The following WWOX variants were observed in gnomAD, a reference collection of about 807,000 sequenced individuals.
WWOX encodes the protein WW domain-containing oxidoreductase.
In WWOX, 69 loss-of-function variants were observed where a neutral mutation model predicts 46.2. That is an observed-to-expected ratio of 1.49 (90% confidence interval 1.23 to 1.82). The LOEUF (loss-of-function observed/expected upper bound fraction) is 1.82. Ranked by LOEUF, WWOX falls within the 40% of genes most tolerant of loss-of-function variation. WWOX has a pLI of 0.00. For missense variants in WWOX, 919 were observed against 542.6 expected, an observed-to-expected ratio of 1.69 and a Z score of -6.89; for synonymous variants, 359 against 202.6, an observed-to-expected ratio of 1.77 and a Z score of -6.56.
At chr16:79,177,740 T>C (rs1195906423) in intron 8 of WWOX, among the ~76,000 whole-genome samples, 1 of 152,198 alleles carries the variant, frequency 6.6e-6, no homozygotes. Context: ...ACAAAAAGGG[T>C]CAGCAGACTT....
At chr16:78,331,653 G>C (rs555550095) in intron 5 of WWOX, among the ~76,000 whole-genome samples, 1 of 152,258 alleles carries the variant, frequency 6.6e-6, no homozygotes, top group East Asian at 1.9e-4. Flanking sequence ...CTGGGTTCAT[G>C]GGTGATGACT....
At chr16:78,911,704 A>G (rs11866178) in intron 8 of WWOX, among the ~76,000 whole-genome samples, 8,266 of 152,002 alleles carry the variant, frequency 0.054, 476 homozygotes, top group African/African-American at 0.14. Context: ...CATCTCTACT[A>G]AAAGTACAAA....
intron 5 of WWOX, among the ~76,000 whole-genome samples, chr16:78,336,533 G>A (rs1397278391): frequency 2.8e-5 from 4 of 141,784 alleles, no homozygotes; most frequent in Non-Finnish European, 6.1e-5. Context: ...AAAGCCTACA[G>A]TTGACAGGCA....
chr16:78,894,419 G>A (rs562881081), intron 8 of WWOX, among the ~76,000 whole-genome samples: 1 of 152,168 alleles, frequency 6.6e-6, no homozygotes, highest in Non-Finnish European at 1.5e-5. Flanking sequence ...GCTTAAGCAT[G>A]TAGATCATAA....
chr16:78,808,600 C>T (rs2051104071), intron 8 of WWOX, among the ~76,000 whole-genome samples: 1 of 152,168 alleles, frequency 6.6e-6, no homozygotes, highest in Non-Finnish European at 1.5e-5. Flanking sequence ...GAGGCCTCTT[C>T]CTCACTGCTT....
intron 5 of WWOX, among the ~76,000 whole-genome samples, chr16:78,334,076 G>T (rs140637490): frequency 9.1e-4 from 139 of 152,188 alleles, no homozygotes; most frequent in African/African-American, 3.2e-3. Flanking sequence ...ATGTTACATC[G>T]CATAAAGATG....
chr16:78,795,082 C>A (rs2050702300), intron 8 of WWOX, among the ~76,000 whole-genome samples: 1 of 152,074 alleles, frequency 6.6e-6, no homozygotes, highest in Admixed American at 6.5e-5. Flanking sequence ...TAAGCATATC[C>A]TGTTTTCGAG....
At chr16:78,612,180 G>A (rs533723523) in intron 8 of WWOX, among the ~76,000 whole-genome samples, 4 of 152,344 alleles carry the variant, frequency 2.6e-5, no homozygotes, top group African/African-American at 9.6e-5. Flanking sequence ...TCTTTGGAGA[G>A]CACTGTTTCC....
intron 5 of WWOX, among the ~76,000 whole-genome samples, chr16:78,241,729 C>A (rs906908313): frequency 6.6e-6 from 1 of 152,104 alleles, no homozygotes; most frequent in Non-Finnish European, 1.5e-5. Flanking sequence ...CGTGAACCAC[C>A]ACGCCCCTCA....
chr16:78,525,932 G>C (rs981868348), intron 8 of WWOX: 4 of 151,914 alleles, frequency 2.6e-5, no homozygotes, highest in East Asian at 1.9e-4. Context: ...AATCATATAA[G>C]CATGATTTAT....
At chr16:78,246,358 C>G (rs1862275047) in intron 5 of WWOX, among the ~76,000 whole-genome samples, 1 of 152,014 alleles carries the variant, frequency 6.6e-6, no homozygotes, top group Non-Finnish European at 1.5e-5. Flanking sequence ...GACCTCCTAC[C>G]TTTTTTTTCC....
chr16:78,463,276 T>C (rs772702789), intron 8 of WWOX, among the ~76,000 whole-genome samples: 1 of 152,198 alleles, frequency 6.6e-6, no homozygotes, highest in Non-Finnish European at 1.5e-5. Context: ...CTTGCAGGTA[T>C]AGGTAGGCAT....
In WWOX at chr16:78,562,786, A is replaced by C. The variant is rs1209840896; in HGVS notation, c.1056+130034A>C. ...ACTCAGGGAAGACCCTGTCTATGGA[A>C]GTGCTGAGCTCTTCAGTGTCATCAC... On this transcript the variant is annotated intron_variant, in intron 8 of 8. Transcript: ENST00000566780. Among the ~76,000 whole-genome samples, 5 of 152,332 alleles carry C rather than the reference A, an allele frequency of 3.3e-5. No homozygotes were observed. In the East Asian group the frequency reaches 9.7e-4, roughly 29 times the overall value.
At chr16:78,191,422 T>G (rs567132438) in intron 5 of WWOX, among the ~76,000 whole-genome samples, 1 of 152,334 alleles carries the variant, frequency 6.6e-6, no homozygotes, top group South Asian at 2.1e-4. Flanking sequence ...AGCATCGTAA[T>G]GAGTTTCTAC....
intron 6 of WWOX, among the ~76,000 whole-genome samples, chr16:78,396,710 A>T (rs1217114134): frequency 6.6e-6 from 1 of 152,240 alleles, no homozygotes; most frequent in African/African-American, 2.4e-5. Flanking sequence ...TTCTGCAAAG[A>T]ATCAGATAGT....
intron 1 of WWOX, among the ~76,000 whole-genome samples, chr16:78,102,152 T>C (rs2151656021): frequency 6.6e-6 from 1 of 152,194 alleles, no homozygotes. Context: ...ACTCCTGAAC[T>C]CAAGCCAGCC....
At chr16:78,561,578 C>G (rs1016510007) in intron 8 of WWOX, among the ~76,000 whole-genome samples, 9 of 151,540 alleles carry the variant, frequency 5.9e-5, no homozygotes, top group African/African-American at 2.2e-4. Flanking sequence ...TGTATCAAAG[C>G]CCCATTTTTT....
intron 8 of WWOX, among the ~76,000 whole-genome samples, chr16:78,612,031 T>C (rs1291988804): frequency 6.6e-6 from 1 of 152,226 alleles, no homozygotes; most frequent in Admixed American, 6.5e-5. Flanking sequence ...TTAAGACTTC[T>C]CAAGCAAGTT....
intron 8 of WWOX, among the ~76,000 whole-genome samples, chr16:79,031,879 C>CAGATATCTATATATAT (rs1567501138): frequency 2.0e-5 from 1 of 49,010 alleles, no homozygotes; most frequent in African/African-American, 4.6e-5. Context: ...TATCTATATA[C>CAGATATCTATATATAT]AGATATCTGT....
Sources: allele counts gnomAD v4.1 joint callset (sites outside exome capture counted in the v4.1 genomes callset), GRCh38; gene constraint gnomAD v4.1.1; transcripts MANE v1.5; gene names NCBI Gene and HGNC (gene_info 2026-07-23, HGNC 2026-07-21).